The following RBFOX3 variants were observed in gnomAD, a reference collection of about 807,000 sequenced individuals.
The protein encoded by RBFOX3 is RNA binding protein fox-1 homolog 3.
A neutral mutation model predicts 48.7 loss-of-function variants in RBFOX3; 17 were observed. That is an observed-to-expected ratio of 0.35 (90% CI 0.24 to 0.52). The LOEUF (loss-of-function observed/expected upper bound fraction) is 0.52. RBFOX3 is among the 20% of genes least tolerant of loss of function. The pLI, the probability that RBFOX3 is intolerant of heterozygous loss-of-function variation, is 0.94. For synonymous variants in RBFOX3, 212 were observed against 209.5 expected (o/e 1.01, Z -0.10); for missense variants, 382 against 497.5 (o/e 0.77, Z 2.21).
intron 4 of RBFOX3, among the ~76,000 whole-genome samples, chr17:79,233,459 A>G (rs1255058871): frequency 3.9e-5 from 6 of 152,172 alleles, no homozygotes; most frequent in African/African-American, 1.2e-4. Context: ...GGGTATACAT[A>G]TATATCAAAG....
At chr17:79,602,261 G>C (rs1344103310) in intron 1 of RBFOX3, among the ~76,000 whole-genome samples, 1 of 152,246 alleles carries the variant, frequency 6.6e-6, no homozygotes, top group Admixed American at 6.5e-5. Context: ...GTTCCCAGCT[G>C]TCAAGATATC....
intron 2 of RBFOX3, among the ~76,000 whole-genome samples, chr17:79,435,581 A>G (rs2069261326): frequency 1.3e-5 from 2 of 152,198 alleles, no homozygotes; most frequent in African/African-American, 4.8e-5. Flanking sequence ...TAAATGTGTC[A>G]ACAGGAGGAA....
At chr17:79,518,199 G>A (rs1376363211) in intron 1 of RBFOX3, among the ~76,000 whole-genome samples, 3 of 152,224 alleles carry the variant, frequency 2.0e-5, no homozygotes, top group Non-Finnish European at 2.9e-5. Context: ...AGTGGATAAT[G>A]TAGGTTTTTT....
intron 2 of RBFOX3, among the ~76,000 whole-genome samples, chr17:79,384,270 G>A (rs987544602): frequency 1.3e-5 from 2 of 152,166 alleles, no homozygotes; most frequent in Non-Finnish European, 2.9e-5. Context: ...CCAGGAGGCC[G>A]CACTGCCAGG....
chr17:79,458,983 G>A (rs902128518), intron 2 of RBFOX3, among the ~76,000 whole-genome samples: 4 of 152,190 alleles, frequency 2.6e-5, no homozygotes, highest in Admixed American at 6.5e-5. Context: ...TGTGAAGCGC[G>A]GCCGTGGGCT....
At chr17:79,264,447 C>G (rs1375623407) in intron 3 of RBFOX3, among the ~76,000 whole-genome samples, 1 of 151,868 alleles carries the variant, frequency 6.6e-6, no homozygotes, top group Non-Finnish European at 1.5e-5. Context: ...TCAAGCGATT[C>G]TCCTGCCTCA....
chr17:79,417,326 G>A (rs1454725133), intron 2 of RBFOX3, among the ~76,000 whole-genome samples: 1 of 152,190 alleles, frequency 6.6e-6, no homozygotes, highest in African/African-American at 2.4e-5. Context: ...GAAGCTCTCA[G>A]GAAAGAAGGG....
At chr17:79,314,138 T>A (rs532956622) in intron 2 of RBFOX3, among the ~76,000 whole-genome samples, 1 of 152,330 alleles carries the variant, frequency 6.6e-6, no homozygotes, top group Admixed American at 6.5e-5. Flanking sequence ...AGTTTCTGAA[T>A]GGGTCACTCT....
intron 2 of RBFOX3, among the ~76,000 whole-genome samples, chr17:79,478,282 C>T (rs1024676676): frequency 3.3e-5 from 5 of 152,174 alleles, no homozygotes; most frequent in Admixed American, 6.5e-5. Flanking sequence ...CATGTGTTGC[C>T]GCTCATGGGT....
intron 2 of RBFOX3, among the ~76,000 whole-genome samples, chr17:79,444,434 G>A (rs2071809790): frequency 6.6e-6 from 1 of 152,114 alleles, no homozygotes; most frequent in Non-Finnish European, 1.5e-5. Flanking sequence ...CAGAGCAGAT[G>A]GGCTGAGCAA....
At chr17:79,409,721 G>A (rs997908092) in intron 2 of RBFOX3, among the ~76,000 whole-genome samples, 6 of 152,196 alleles carry the variant, frequency 3.9e-5, no homozygotes, top group Non-Finnish European at 5.9e-5. Flanking sequence ...GGCAGCTGGG[G>A]TCCCCGTATT....
rs1353666773 is a variant in RBFOX3 at position 79,214,325 on chromosome 17, G to A, written c.-34+21441C>T. ...ATGATTTTTAATAAAAATCAGACAT[G>A]GTCATGGAGGTGCCTCATGGAGGAA... On this transcript the variant is annotated intron_variant, in intron 4 of 14. Transcript: ENST00000693108. This position sits in a 1 kb window ranked among gnomAD's most constrained non-coding sequence, Gnocchi z 4.7. Among the ~76,000 whole-genome samples, 2 of 152,166 alleles carry A rather than the reference G, an allele frequency of 1.3e-5. No homozygotes were observed. Among genetic ancestry groups the A allele is most frequent in the Non-Finnish European group, 1.5e-5 (1 of 68,034 alleles).
intron 2 of RBFOX3, among the ~76,000 whole-genome samples, chr17:79,316,181 G>A (rs2077516258): frequency 6.6e-6 from 1 of 152,092 alleles, no homozygotes; most frequent in South Asian, 2.1e-4. Context: ...GGTGATGGTG[G>A]AGGGTGGAGG....
chr17:79,178,883 A>T (rs1180121883), intron 4 of RBFOX3, among the ~76,000 whole-genome samples: 4 of 152,202 alleles, frequency 2.6e-5, no homozygotes, highest in African/African-American at 9.7e-5. Flanking sequence ...AATTTTTCGG[A>T]TGTGGCTGCA....
intron 5 of RBFOX3, among the ~76,000 whole-genome samples, chr17:79,112,904 C>CGGCAGGGGGGG: frequency 9.6e-5 from 1 of 10,364 alleles, no homozygotes; most frequent in Non-Finnish European, 2.0e-4. Flanking sequence ...AGCAGGCTCT[C>CGGCAGGGGGGG]GGGGGGGGGG....
intron 2 of RBFOX3, among the ~76,000 whole-genome samples, chr17:79,478,957 G>T (rs2078378790): frequency 6.6e-6 from 1 of 152,186 alleles, no homozygotes; most frequent in Non-Finnish European, 1.5e-5. Flanking sequence ...CAATGTCCTA[G>T]GAGGAAACTG....
chr17:79,157,428 C>T (rs966635182), intron 4 of RBFOX3, among the ~76,000 whole-genome samples: 1 of 152,206 alleles, frequency 6.6e-6, no homozygotes, highest in Admixed American at 6.5e-5. Context: ...TGATCAGGAC[C>T]CTCCGAGGGA....
intron 2 of RBFOX3, among the ~76,000 whole-genome samples, chr17:79,323,374 T>C (rs978525912): frequency 5.9e-5 from 9 of 152,208 alleles, no homozygotes; most frequent in Non-Finnish European, 4.4e-5. Context: ...AGATGTGGGA[T>C]GGATGCTCTC....
chr17:79,651,806 T>C, the RBFOX3 span, among the ~76,000 whole-genome samples: 1 of 142,412 alleles, frequency 7.0e-6, no homozygotes, highest in African/African-American at 2.6e-5. Context: ...TCCTTCTCTG[T>C]CTTTCTCTCT....
Sources: gnomAD v4.1 joint callset for allele counts (sites outside exome capture counted in the v4.1 genomes callset) on GRCh38, gnomAD v4.1.1 for gene constraint, Gnocchi (gnomAD v3.1) non-coding constraint, MANE v1.5 for transcripts, NCBI Gene and HGNC (gene_info 2026-07-23, HGNC 2026-07-21) for gene names.